The following NEB variants were observed in gnomAD, a reference collection of about 807,000 sequenced individuals.
NEB encodes nemaline myopathy type 2.
A neutral mutation model predicts 952.2 loss-of-function variants in NEB; 512 were observed. The ratio of observed to expected loss-of-function variants is 0.54; its 90% CI spans 0.50 to 0.58. The LOEUF (loss-of-function observed/expected upper bound fraction) is 0.58. Among genes scored for constraint, NEB ranks in the 20% least tolerant of loss-of-function variants. The pLI, the probability that NEB is intolerant of heterozygous loss-of-function variation, is 0.00. For synonymous variants in NEB, 2,900 were observed against 3,149.8 expected, an observed-to-expected ratio of 0.92 and a Z score of 2.66; for missense variants, 8,428 against 9,231.1, an observed-to-expected ratio of 0.91 and a Z score of 3.56.
At chr2:151,546,076 T>G in intron 134 of NEB, 78 bp from the exon 135 acceptor site, 1 of 1,006,426 alleles carries the variant, frequency 9.9e-7, no homozygotes. Context: ...CTTTCAAATG[T>G]CTGGCATGTG....
At chr2:151,537,806 G>A (rs2093421740) in intron 140 of NEB, 66 bp downstream of exon 140, 5 of 1,044,544 alleles carry the variant, frequency 4.8e-6, no homozygotes, top group Non-Finnish European at 5.2e-6. Flanking sequence ...TTTATGCCAT[G>A]TATGATTTCA....
rs749222946 is a variant in NEB at position 151,518,970 on chromosome 2, T to C, written c.22690A>G (p.Ser7564Gly). The change falls in exon 155 of 182, where the codon AGT becomes GGT. Residue 7564 changes from serine (S) to glycine (G), a missense_variant. This residue lies in a region of NEB where 3,374 missense variants were observed against 3,651.5 expected (regional missense o/e 0.92). Coordinates refer to ENST00000397345, the MANE Select transcript of NEB (RefSeq NM_001164508.2). ...NHVLNTSQLA[S>G]SYQYKKKYEK... Reference sequence around the variant, plus strand: ...GAGCAAATGACTGAGCTTACAGAACTGGCAAGTTGGCTTGTATTCAGGACA... The same window carrying C: ...GAGCAAATGACTGAGCTTACAGAACCGGCAAGTTGGCTTGTATTCAGGACA... The C allele has an allele frequency of 1.2e-6, 2 of 1,608,738 alleles. No homozygotes were observed. Among genetic ancestry groups the C allele is most frequent in the African/African-American group, 1.3e-5 (1 of 74,946 alleles).
At chr2:151,528,504 T>C (rs2088079885) in intron 146 of NEB, among the ~76,000 whole-genome samples, 1 of 152,206 alleles carries the variant, frequency 6.6e-6, no homozygotes, top group Admixed American at 6.5e-5. Context: ...TTATCTCACA[T>C]CTGTCCTTCT....
chr2:151,651,569 C>T (rs1239169608), intron 52 of NEB, among the ~76,000 whole-genome samples: 1 of 152,000 alleles, frequency 6.6e-6, no homozygotes, highest in Non-Finnish European at 1.5e-5. Context: ...GAAGAAAATT[C>T]CACAGGAGCT....
At position 151,533,331 on chromosome 2, in the gene NEB, A is replaced by T. The variant is rs2092253487; in HGVS notation, c.21417+111T>A. ...GAATGAATATTTACATAGCTTTACC[A>T]TATGAAGCCAGCATGGGCAGGGAGT... On this transcript the variant is annotated intron_variant, in intron 143 of 181. Transcript: ENST00000397345. 60 of 711,598 alleles carry T rather than the reference A, an allele frequency of 8.4e-5. No homozygotes were observed. In the South Asian group the frequency reaches 1.1e-3, roughly 13 times the overall value. The allele number at this position is 711,598 out of a possible 1,614,324, so 44.1% of individuals were successfully genotyped here.
At chr2:151,719,332 G>A (rs554458808) in intron 9 of NEB, among the ~76,000 whole-genome samples, 21 of 152,312 alleles carry the variant, frequency 1.4e-4, no homozygotes, top group East Asian at 3.9e-4. Flanking sequence ...CTAATCTTCC[G>A]TGACACAACT....
intron 164 of NEB, 55 bp from the exon 165 acceptor site, chr2:151,505,625 C>T: frequency 7.2e-7 from 1 of 1,393,026 alleles, no homozygotes; most frequent in Non-Finnish European, 1.0e-6. Flanking sequence ...GACTGTTATT[C>T]TTCCCAACAT....
At position 151,553,430 on chromosome 2, in the gene NEB, G is replaced by A; in HGVS notation, c.19699C>T (p.His6567Tyr). Residue 6567 changes from histidine (H) to tyrosine (Y), a missense_variant, in exon 127 of 182, where the codon CAT (histidine) becomes TAT (tyrosine). His to Tyr is a moderately conservative substitution (Grantham distance 83, BLOSUM62 2). Coordinates refer to ENST00000397345, the MANE Select transcript of NEB (RefSeq NM_001164508.2). ...CYVWDTPEIL[H>Y]AKHAYDLRDD... ...CGTAGATCATAAGCATGCTTGGCAT[G>A]GAGGATTTCAGGAGTGTCCCAGACG... 1 of 1,613,610 alleles carries A rather than the reference G, an allele frequency of 6.2e-7. No homozygotes were observed. The highest frequency in any genetic ancestry group is 1.1e-5 in the South Asian group (1 of 91,076).
rs920262851 is a variant in NEB, at chr2:151,561,978, G to A, written c.18996+132C>T. On this transcript the variant is annotated intron_variant, in intron 121 of 181. Transcript: ENST00000397345. ...AGGACACTAGAAGAGCTTTGATTGG[G>A]AGAGGAGGGGCTTTGGTCAGTTAGA... is the stretch of plus-strand genomic sequence containing the variant. 3 of 690,570 alleles carry A rather than the reference G, an allele frequency of 4.3e-6. No homozygotes were observed. The African/African-American group carries it at 5.3e-5, about 12-fold the overall frequency. 42.8% of individuals were successfully genotyped at this position (690,570 alleles called of 1,614,324 possible). A position where few individuals can be genotyped will look rare whatever the true frequency, so the allele number is the denominator to read the frequency against.
chr2:151,639,286 G>A lies in NEB; in HGVS notation c.8988C>T (p.Tyr2996=), dbSNP rs1357442601. Residue 2996 remains tyrosine, a synonymous_variant, in exon 63 of 182, where the codon TAC becomes TAT. Transcript: ENST00000397345. ...TCAAAGAATCTGCTCTCACCTCACT[G>A]TAGTTGATTTTGTTCATTCTTGCCA... ...IMLARMNKIN[Y]SESLYKLANE... 7 of 1,537,758 alleles carry A rather than the reference G, an allele frequency of 4.6e-6. No homozygotes were observed. The highest frequency in any genetic ancestry group is 1.2e-5 in the South Asian group (1 of 84,012).
In NEB at chr2:151,570,519, G is replaced by A; in HGVS notation, c.17096C>T (p.Ala5699Val). The change falls in exon 108 of 182, where the codon GCC (alanine) becomes GTC (valine). Residue 5699 changes from alanine to valine, a missense_variant. This residue lies in a region of NEB where 3,374 missense variants were observed against 3,651.5 expected (regional missense o/e 0.92). Coordinates refer to ENST00000397345, the MANE Select transcript of NEB (RefSeq NM_001164508.2). ...LDAIPIQAAK[A>V]SREIASDYKY... ...CACGTCACTGGCAATCTCCCTGGAG[G>A]CCTTGGCAGCCTGGATGGGGATGGC... The A allele has an allele frequency of 6.2e-7, 1 of 1,611,454 alleles. No individual in the cohort carries two copies. The highest frequency in any genetic ancestry group is 8.5e-7 in the Non-Finnish European group (1 of 1,178,996).
At chr2:151,625,745 G>T in intron 70 of NEB, 107 bp from the exon 71 acceptor site, 2 of 614,084 alleles carry the variant, frequency 3.3e-6, no homozygotes, top group Non-Finnish European at 5.4e-6. Flanking sequence ...CTTGCTGTCT[G>T]TTCCATGTAT....
Position 151,682,625 on chromosome 2 carries a change from G to A in NEB, c.2943+37C>T, listed in dbSNP as rs765877051. 2.7e-6 allele frequency: 4 copies of A among 1,506,604 alleles called. No individual in the cohort carries two copies. The African/African-American group carries it at 4.1e-5, about 16-fold the overall frequency. The allele number at this position is 1,506,604 out of a possible 1,614,324, so 93.3% of individuals were successfully genotyped here. On this transcript the variant is annotated intron_variant, in intron 29 of 181. Coordinates refer to ENST00000397345, the MANE Select transcript of NEB (RefSeq NM_001164508.2). ...CTTTTGAGAGCTTTAACACAACACAGTCACCACTCTCCCTCTGACACACCC... is the reference window on the plus strand; with the variant it reads ...CTTTTGAGAGCTTTAACACAACACAATCACCACTCTCCCTCTGACACACCC...
At chr2:151,619,910 T>C (rs1002897128) in intron 72 of NEB, 148 bp from the exon 73 acceptor site, 6 of 802,034 alleles carry the variant, frequency 7.5e-6, no homozygotes, top group Non-Finnish European at 1.1e-5. Flanking sequence ...TGGACTGTTG[T>C]GCTCATTGGC....
Position 151,519,026 on chromosome 2 carries a change from G to A in NEB, c.22634C>T (p.Thr7545Ile). 6.2e-7 allele frequency: 1 copy of A among 1,613,734 alleles called. No individual in the cohort carries two copies. The highest frequency in any genetic ancestry group is 2.2e-5 in the East Asian group (1 of 44,854). The change falls in exon 155 of 182, where the codon ACT becomes ATT. Residue 7545 changes from threonine (T) to isoleucine (I), a missense_variant. Physicochemically the swap from Thr to Ile is moderately conservative, Grantham distance 89. Coordinates refer to ENST00000397345, the MANE Select transcript of NEB (RefSeq NM_001164508.2). ...ADLKKLHKPV[T>I]DMKESLIMNH... ...CATGATCAGAGACTCCTTCATGTCA[G>A]TCACGGGTTTGTGAAGTTTCTTCAG...
intron 166 of NEB, 125 bp downstream of exon 166, chr2:151,503,224 T>C (rs529898558): frequency 2.8e-6 from 2 of 721,462 alleles, no homozygotes; most frequent in South Asian, 3.5e-5. Flanking sequence ...GGTCAGGTAA[T>C]AATACACAAC....
chr2:151,532,883 A>G (rs2092026804), intron 143 of NEB, among the ~76,000 whole-genome samples: 1 of 152,154 alleles, frequency 6.6e-6, no homozygotes, highest in Non-Finnish European at 1.5e-5. Flanking sequence ...TGGCCTTCTA[A>G]AAAGGCATTA....
chr2:151,605,889 G>A (rs1401075401), intron 84 of NEB, among the ~76,000 whole-genome samples: 6 of 100,442 alleles, frequency 6.0e-5, no homozygotes, highest in Admixed American at 1.4e-4. Context: ...GCAAACCTCC[G>A]CCTCCCAGGT....
intron 71 of NEB, among the ~76,000 whole-genome samples, chr2:151,622,650 C>A (rs2098442352): frequency 6.6e-6 from 1 of 151,958 alleles, no homozygotes; most frequent in South Asian, 2.1e-4. Context: ...CACATTATGG[C>A]CTTCATCCTT....
Sources: allele counts gnomAD v4.1 joint callset (sites outside exome capture counted in the v4.1 genomes callset), GRCh38; gene constraint gnomAD v4.1.1; regional missense constraint gnomAD v4.1.1; transcripts MANE v1.5; gene names NCBI Gene and HGNC (gene_info 2026-07-23, HGNC 2026-07-21).